The following NRG4 variants were observed in gnomAD, a reference collection of about 807,000 sequenced individuals.
The protein encoded by NRG4 is neuregulin 4, also known as pro-neuregulin-4, membrane-bound isoform.
A neutral mutation model predicts 15.0 loss-of-function variants in NRG4; 10 were observed. The ratio of observed to expected loss-of-function variants is 0.67; its 90% confidence interval spans 0.41 to 1.13. NRG4 has a LOEUF of 1.13. Ranked by LOEUF, NRG4 falls within the 50% of genes most tolerant of loss-of-function variation. The pLI, the probability that NRG4 is intolerant of heterozygous loss-of-function variation, is 0.00. For synonymous variants in NRG4, 41 were observed against 50.1 expected, an observed-to-expected ratio of 0.82 and a Z score of 0.77; for missense variants, 139 against 140.2, an observed-to-expected ratio of 0.99 and a Z score of 0.04.
intron 3 of NRG4, among the ~76,000 whole-genome samples, chr15:76,007,856 TGACA>T (rs1253494588): frequency 4.0e-5 from 6 of 151,786 alleles, no homozygotes; most frequent in African/African-American, 1.5e-4. Flanking sequence ...TATTCAAAGG[TGACA>T]CCTTTCTTCT....
intron 3 of NRG4, among the ~76,000 whole-genome samples, chr15:75,983,891 C>A: frequency 6.6e-6 from 1 of 151,468 alleles, no homozygotes. Context: ...AAATGTTATC[C>A]CAATATCTAT....
intron 4 of NRG4, among the ~76,000 whole-genome samples, chr15:76,037,351 T>C (rs147537197): frequency 2.8e-4 from 42 of 152,274 alleles, no homozygotes; most frequent in Non-Finnish European, 1.3e-4. Flanking sequence ...CCCTATCCCA[T>C]CACAGTAGCC....
At chr15:76,014,856 A>G (rs1248222643), upstream of NRG4, among the ~76,000 whole-genome samples, 1 of 152,164 alleles carries the variant, frequency 6.6e-6, no homozygotes, top group African/African-American at 2.4e-5. Flanking sequence ...TAAAGTTTAA[A>G]GTAGATTTTT....
At chr15:75,945,370 C>T (rs1241932888) in intron 5 of NRG4, among the ~76,000 whole-genome samples, 2 of 152,008 alleles carry the variant, frequency 1.3e-5, no homozygotes, top group Non-Finnish European at 2.9e-5. Flanking sequence ...CCTGCCTTAG[C>T]CTCCTGAGTA....
chr15:75,985,624 C>T (rs1198975471), intron 3 of NRG4, among the ~76,000 whole-genome samples: 3 of 152,146 alleles, frequency 2.0e-5, no homozygotes, highest in African/African-American at 7.2e-5. Flanking sequence ...GTATAGAGAA[C>T]TGTATGCCAA....
intron 5 of NRG4, among the ~76,000 whole-genome samples, chr15:75,953,347 G>A (rs940181537): frequency 1.3e-5 from 2 of 152,152 alleles, no homozygotes; most frequent in Admixed American, 1.3e-4. Flanking sequence ...AGGTATGTCT[G>A]AACTCTCAAT....
intron 5 of NRG4, among the ~76,000 whole-genome samples, chr15:75,955,681 G>C (rs1261140535): frequency 6.6e-6 from 1 of 150,800 alleles, no homozygotes; most frequent in Non-Finnish European, 1.5e-5. Flanking sequence ...TAGCACATTA[G>C]AGCTACATCA....
At chr15:76,052,643 GT>G (rs1340706926) in intron 3 of NRG4, among the ~76,000 whole-genome samples, 1 of 151,042 alleles carries the variant, frequency 6.6e-6, no homozygotes, top group African/African-American at 2.5e-5. Flanking sequence ...GGTAGTCTTT[GT>G]GGGAAAGAAG....
At chr15:76,010,066 C>T (rs968312441) in intron 2 of NRG4, among the ~76,000 whole-genome samples, 3 of 151,946 alleles carry the variant, frequency 2.0e-5, no homozygotes, top group Non-Finnish European at 2.9e-5. Flanking sequence ...TTCCCTTTCT[C>T]CCTTGGTACC....
At chr15:75,937,473 C>T (rs1281333051), downstream of NRG4, 1 of 135,318 alleles carries the variant, frequency 7.4e-6, no homozygotes. Context: ...CGTGCCACTG[C>T]ACTCCAGCCT....
At chr15:76,014,900 T>C (rs201252442), upstream of NRG4, among the ~76,000 whole-genome samples, 1 of 152,320 alleles carries the variant, frequency 6.6e-6, no homozygotes, top group East Asian at 1.9e-4. Flanking sequence ...GGTAGCCTGA[T>C]GGGGATGGCA....
At chr15:76,040,042 G>A (rs771792962) in intron 4 of NRG4, among the ~76,000 whole-genome samples, 2 of 151,008 alleles carry the variant, frequency 1.3e-5, no homozygotes, top group Admixed American at 6.6e-5. Context: ...CTGCCACCCC[G>A]CCAAATAAAA....
rs559850861 is a variant in NRG4, at chr15:75,954,435, T to TC, written c.331+1496_331+1497insG. ...CATCTGTATCAATTTCAATTTCTTT[T>TC]TTTTTTTTTTTTGAGACGGAATCTT... On this transcript the variant is annotated intron_variant, in intron 5 of 5. Transcript: ENST00000394907. Among the ~76,000 whole-genome samples the TC allele has an allele frequency of 1.7e-3, 261 of 149,208 alleles. 5 individuals carry two copies. The highest frequency in any genetic ancestry group is 5.8e-3 in the African/African-American group (237 of 41,032).
upstream of NRG4, among the ~76,000 whole-genome samples, chr15:76,017,155 C>CTTTTTTTTTTTTTTTTTTTTTTTT (rs66838505): frequency 3.8e-5 from 2 of 52,302 alleles, 1 homozygote. Context: ...CAACCCCTGC[C>CTTTTTTTTTTTTTTTTTTTTTTTT]TTTTTTTTTT....
intron 4 of NRG4, among the ~76,000 whole-genome samples, chr15:75,958,762 C>T (rs1259373447): frequency 6.6e-6 from 1 of 152,072 alleles, no homozygotes; most frequent in Non-Finnish European, 1.5e-5. Context: ...ATTGTTTAGC[C>T]TGCTACAGGG....
chr15:76,035,472 G>A (rs1270369804), intron 5 of NRG4, among the ~76,000 whole-genome samples: 2 of 152,030 alleles, frequency 1.3e-5, no homozygotes, highest in East Asian at 3.9e-4. Flanking sequence ...TAGGGAATGG[G>A]TATTATGGAA....
At chr15:75,976,328 C>T (rs975752654) in intron 3 of NRG4, among the ~76,000 whole-genome samples, 1 of 152,138 alleles carries the variant, frequency 6.6e-6, no homozygotes, top group Non-Finnish European at 1.5e-5. Flanking sequence ...CTTCTGAAGC[C>T]TACTTCTGTC....
At chr15:76,044,220 T>C (rs1439455295) in intron 4 of NRG4, among the ~76,000 whole-genome samples, 2 of 150,504 alleles carry the variant, frequency 1.3e-5, no homozygotes, top group Non-Finnish European at 3.0e-5. Flanking sequence ...GCCAGGATGG[T>C]CTCGATCTCC....
chr15:76,021,980 C>A (rs74024063), intron 5 of NRG4, among the ~76,000 whole-genome samples: 1 of 152,122 alleles, frequency 6.6e-6, no homozygotes, highest in African/African-American at 2.4e-5. Context: ...ATAAAGAGCA[C>A]GCAATCTGGA....
Sources: gnomAD v4.1 joint callset for allele counts (sites outside exome capture counted in the v4.1 genomes callset) on GRCh38, gnomAD v4.1.1 for gene constraint, MANE v1.5 for transcripts, NCBI Gene and HGNC (gene_info 2026-07-23, HGNC 2026-07-21) for gene names.